The following ATXN7 variants were observed in gnomAD, a reference collection of about 807,000 sequenced individuals.
ATXN7 encodes ataxin 7.
In ATXN7, 12 loss-of-function variants were observed where a neutral mutation model predicts 70.5. That is an observed-to-expected ratio of 0.17 (90% CI 0.11 to 0.28). The LOEUF (loss-of-function observed/expected upper bound fraction) is 0.28. Ranked by LOEUF, ATXN7 falls within the 10% of genes least tolerant of loss-of-function variation. The pLI, the probability that ATXN7 is intolerant of heterozygous loss-of-function variation, is 1.00. For synonymous variants in ATXN7, 498 were observed against 448.7 expected (o/e 1.11, Z -1.39); for missense variants, 1,256 against 1,131.7 (o/e 1.11, Z -1.58).
chr3:63,944,153 G>A (rs2074817183), intron 4 of ATXN7, among the ~76,000 whole-genome samples: 1 of 152,186 alleles, frequency 6.6e-6, no homozygotes. Context: ...GGTGTATATA[G>A]TTGTTCCCCC....
At position 63,912,863 on chromosome 3, in the gene ATXN7, G is replaced by A. The variant is rs958875926; in HGVS notation, c.265G>A (p.Val89Met). The A allele has an allele frequency of 6.2e-6, 10 of 1,613,452 alleles. No individual in the cohort carries two copies. Among genetic ancestry groups the A allele is most frequent in the Non-Finnish European group, 7.6e-6 (9 of 1,179,754 alleles). The stretch of plus-strand genomic sequence containing the variant: ...GCGCAGGCCTCTGCCCAGTCCTGAA[G>A]TGATGCTGGGACAGTCGTGGAATCT... The part of the protein sequence containing the change: ...GERRPLPSPE[V>M]MLGQSWNLWV... Residue 89 changes from valine (V) to methionine (M), a missense_variant, in exon 3 of 13, where the codon GTG (valine) becomes ATG (methionine). By Grantham distance (21) the Val-to-Met change is conservative. Transcript: ENST00000674280.
intron 1 of ATXN7, among the ~76,000 whole-genome samples, chr3:63,881,581 T>C (rs1371411856): frequency 3.3e-5 from 5 of 150,928 alleles, no homozygotes; most frequent in Admixed American, 6.6e-5. Flanking sequence ...CTCTGCCTCC[T>C]GGGTTCAAAT....
chr3:63,988,016 T>C, intron 8 of ATXN7, 43 bp from the exon 9 acceptor site: 1 of 1,606,516 alleles, frequency 6.2e-7, no homozygotes, highest in Non-Finnish European at 8.5e-7. Flanking sequence ...GACCAAAAAT[T>C]ATTAATGAGA....
chr3:63,883,490 A>G (rs1019485088), intron 1 of ATXN7, among the ~76,000 whole-genome samples: 4 of 152,162 alleles, frequency 2.6e-5, no homozygotes, highest in African/African-American at 9.7e-5. Context: ...CTGCTGCTCA[A>G]GAAGCTCCAG....
At chr3:63,960,326 A>G (rs745728514) in intron 5 of ATXN7, among the ~76,000 whole-genome samples, 1 of 152,180 alleles carries the variant, frequency 6.6e-6, no homozygotes, top group African/African-American at 2.4e-5. Flanking sequence ...CCAGGACCAG[A>G]TGACACTGGG....
At chr3:63,958,258 A>G (rs1275067591) in intron 5 of ATXN7, among the ~76,000 whole-genome samples, 1 of 152,222 alleles carries the variant, frequency 6.6e-6, no homozygotes, top group Non-Finnish European at 1.5e-5. Flanking sequence ...GGATTCTTTT[A>G]GATGCTATCA....
intron 4 of ATXN7, among the ~76,000 whole-genome samples, chr3:63,951,259 A>G (rs193099377): frequency 1.8e-4 from 28 of 151,948 alleles, no homozygotes; most frequent in Admixed American, 1.6e-3. Flanking sequence ...ATACTAGATC[A>G]GTAATTTGAT....
intron 4 of ATXN7, among the ~76,000 whole-genome samples, chr3:63,913,823 T>G (rs781091727): frequency 1.3e-5 from 2 of 152,182 alleles, no homozygotes; most frequent in Non-Finnish European, 2.9e-5. Context: ...CAGGGTCTAA[T>G]TATTTGTTAG....
chr3:63,894,766 C>A (rs1282432236), intron 1 of ATXN7, among the ~76,000 whole-genome samples: 1 of 152,136 alleles, frequency 6.6e-6, no homozygotes, highest in African/African-American at 2.4e-5. Flanking sequence ...TTAAGCAGTC[C>A]TCCTGCTTTG....
chr3:63,879,194 A>C lies in ATXN7; in HGVS notation c.-111+15036A>C, dbSNP rs192354052. ...TGACTCAGTTCTATCTTTTAATATA[A>C]ATAGCCCAAAGAGTTACCCTACTCT... On this transcript the variant is annotated intron_variant, in intron 1 of 12. Coordinates refer to ENST00000674280, the MANE Select transcript of ATXN7 (RefSeq NM_001377405.1). 7.2e-5 allele frequency among the ~76,000 whole-genome samples: 11 copies of C among 152,356 alleles called. No homozygotes were observed. The East Asian group carries it at 1.9e-3, about 27-fold the overall frequency.
chr3:63,904,285 AT>A (rs1203835216), intron 2 of ATXN7: 5,490 of 142,168 alleles, frequency 0.039, 155 homozygotes, highest in African/African-American at 0.1. Flanking sequence ...TGGCTGAATA[AT>A]TTTTTTTTTT....
chr3:63,944,665 G>T (rs1424792148), intron 4 of ATXN7, among the ~76,000 whole-genome samples: 1 of 152,214 alleles, frequency 6.6e-6, no homozygotes, highest in Non-Finnish European at 1.5e-5. Context: ...AATAAGCGGG[G>T]ATTACTGTAG....
At chr3:63,952,350 G>A in intron 4 of ATXN7, 29 bp from the exon 5 acceptor site, 1 of 1,545,478 alleles carries the variant, frequency 6.5e-7, no homozygotes, top group Non-Finnish European at 8.9e-7. Flanking sequence ...AACCAGATGA[G>A]TGAGTGATGC....
At chr3:63,893,742 A>C (rs1253767305) in intron 1 of ATXN7, among the ~76,000 whole-genome samples, 1 of 152,134 alleles carries the variant, frequency 6.6e-6, no homozygotes, top group Admixed American at 6.6e-5. Context: ...CATTGACTTG[A>C]TCTTCAGTGG....
chr3:63,884,282 C>G (rs1465865673), intron 1 of ATXN7, among the ~76,000 whole-genome samples: 5 of 151,672 alleles, frequency 3.3e-5, no homozygotes, highest in African/African-American at 1.2e-4. Context: ...CTCTCTCTCT[C>G]CACACACAAT....
rs530760083 is a variant in ATXN7, at chr3:63,986,211, G to C, written c.1096-1848G>C. ...CAGGTGGCTGAACAGAAAGAGGGAA[G>C]AAGAGGTACGCGGGACCAAAGGAGC... On this transcript the variant is annotated intron_variant, in intron 8 of 12. Coordinates refer to ENST00000674280, the MANE Select transcript of ATXN7 (RefSeq NM_001377405.1). Among the ~76,000 whole-genome samples, 7 of 152,326 alleles carry C rather than the reference G, an allele frequency of 4.6e-5. No individual in the cohort carries two copies. The South Asian group carries it at 1.2e-3, about 27-fold the overall frequency.
chr3:63,982,007 G>C (rs989602279), intron 6 of ATXN7, among the ~76,000 whole-genome samples, 179 bp from the exon 7 acceptor site: 2 of 152,134 alleles, frequency 1.3e-5, no homozygotes, highest in African/African-American at 2.4e-5. Context: ...CACCAGAAGG[G>C]CTTATAGACT....
chr3:63,947,362 G>T (rs2074880832), intron 4 of ATXN7, among the ~76,000 whole-genome samples: 1 of 152,046 alleles, frequency 6.6e-6, no homozygotes, highest in South Asian at 2.1e-4. Flanking sequence ...AAGGTGGGAG[G>T]ATCACTTGAC....
chr3:63,931,351 T>G (rs1429585252), intron 4 of ATXN7, among the ~76,000 whole-genome samples: 1 of 152,198 alleles, frequency 6.6e-6, no homozygotes, highest in East Asian at 1.9e-4. Flanking sequence ...GAAGCTTAAT[T>G]ACCCCAAGTT....
Sources: allele counts gnomAD v4.1 joint callset (sites outside exome capture counted in the v4.1 genomes callset), GRCh38; gene constraint gnomAD v4.1.1; transcripts MANE v1.5; gene names NCBI Gene and HGNC (gene_info 2026-07-23, HGNC 2026-07-21).